Variants in PPARA observed in about 807,000 individuals in gnomAD.
The protein encoded by PPARA is peroxisome proliferator-activated receptor alpha.
In PPARA, 22 loss-of-function variants were observed where a neutral mutation model predicts 42.2. The ratio of observed to expected loss-of-function variants is 0.52; its 90% CI spans 0.37 to 0.74. The LOEUF (loss-of-function observed/expected upper bound fraction) is 0.74. Ranked by LOEUF, PPARA falls within the 30% of genes least tolerant of loss-of-function variation. PPARA has a pLI of 0.00. For missense variants in PPARA, 465 were observed against 608.2 expected, an observed-to-expected ratio of 0.76 and a Z score of 2.48; for synonymous variants, 242 against 239.3, an observed-to-expected ratio of 1.01 and a Z score of -0.10.
Position 46,241,330 on chromosome 22 carries a change from T to C in PPARA, c.*5950T>C, listed in dbSNP as rs1936364963. Reference sequence around the variant, plus strand: ...TTGGTCTGACTCAGAATATAGGAGATCCATATATTTCTCTGGAAACCACAG... The same window carrying C: ...TTGGTCTGACTCAGAATATAGGAGACCCATATATTTCTCTGGAAACCACAG... On this transcript the variant is annotated 3_prime_UTR_variant, in exon 9 of 9. Coordinates refer to ENST00000407236, the MANE Select transcript of PPARA (RefSeq NM_005036.6). The surrounding 1 kb of genome is among the most constrained non-coding windows in gnomAD (Gnocchi z 5.7). 6.6e-6 allele frequency: 1 copy of C among 152,324 alleles called. No individual in the cohort carries two copies. The highest frequency in any genetic ancestry group is 1.9e-4 in the East Asian group (1 of 5,190). 9.4% of individuals were successfully genotyped at this position (152,324 alleles called of 1,614,324 possible). A position where few individuals can be genotyped will look rare whatever the true frequency, so the allele number is the denominator to read the frequency against.
At chr22:46,218,775 A>C (rs549099199) in intron 6 of PPARA, among the ~76,000 whole-genome samples, 5 of 151,124 alleles carry the variant, frequency 3.3e-5, no homozygotes, top group African/African-American at 1.2e-4. Flanking sequence ...CGGAGGTTGC[A>C]GTGAGCTGAG....
chr22:46,225,830 C>A lies in PPARA; in HGVS notation c.711+5816C>A, dbSNP rs1421000081. Among the ~76,000 whole-genome samples, 5 of 151,614 alleles carry A rather than the reference C, an allele frequency of 3.3e-5. No individual in the cohort carries two copies. The highest frequency in any genetic ancestry group is 1.2e-4 in the African/African-American group (5 of 41,210). On this transcript the variant is annotated intron_variant, in intron 7 of 8. Transcript: ENST00000407236. This position sits in a 1 kb window ranked among gnomAD's most constrained non-coding sequence, Gnocchi z 4.1. The stretch of plus-strand genomic sequence containing the variant: ...GCACCCACACATGCACACAGACGCA[C>A]CTCCACCCCCACACACGCACACACA...
rs184831568 is a variant in PPARA at position 46,180,340 on chromosome 22, T to C, written c.-43+3504T>C. On this transcript the variant is annotated intron_variant, in intron 3 of 8. Transcript: ENST00000407236. This position sits in a 1 kb window ranked among gnomAD's most constrained non-coding sequence, Gnocchi z 4.2. ...GCAGTAATAATAATAGAAATAATGA[T>C]AGTTTCTTTAATAAAAATGCTGTTT... 3.3e-5 allele frequency among the ~76,000 whole-genome samples: 5 copies of C among 152,134 alleles called. No homozygotes were observed. Among genetic ancestry groups the C allele is most frequent in the Admixed American group, 1.3e-4 (2 of 15,268 alleles).
chr22:46,206,258 C>T lies in PPARA; in HGVS notation c.208+7667C>T, dbSNP rs1246660036. On this transcript the variant is annotated intron_variant, in intron 4 of 8. Coordinates refer to ENST00000407236, the MANE Select transcript of PPARA (RefSeq NM_005036.6). Reference sequence around the variant, plus strand: ...CTAGGATCAGAGGCATGCACCACCACGCCCGGCTAATTTGTGTGTGTGTGT... The same window carrying T: ...CTAGGATCAGAGGCATGCACCACCATGCCCGGCTAATTTGTGTGTGTGTGT... Among the ~76,000 whole-genome samples the T allele has an allele frequency of 1.1e-4, 16 of 145,142 alleles. 1 individual carries two copies. The highest frequency in any genetic ancestry group is 4.7e-4 in the Admixed American group (7 of 14,844).
At chr22:46,185,960 T>TACAC (rs1379937794) in intron 3 of PPARA, among the ~76,000 whole-genome samples, 31 of 42,922 alleles carry the variant, frequency 7.2e-4, no homozygotes, top group Non-Finnish European at 8.9e-4. Context: ...TATATATATA[T>TACAC]ATATACACAC....
Position 46,171,023 on chromosome 22 carries a change from C to T in PPARA, c.-126-5730C>T, listed in dbSNP as rs1366098986. ...TAAAAATACAAAAATTAGCCAGGCA[C>T]AATGGCAGGTACCTGTAATCCCAGC... On this transcript the variant is annotated intron_variant, in intron 2 of 8. Transcript: ENST00000407236. The surrounding 1 kb of genome is among the most constrained non-coding windows in gnomAD (Gnocchi z 5.0). Among the ~76,000 whole-genome samples, 2 of 151,898 alleles carry T rather than the reference C, an allele frequency of 1.3e-5. No individual in the cohort carries two copies. Among genetic ancestry groups the T allele is most frequent in the African/African-American group, 2.4e-5 (1 of 41,346 alleles).
chr22:46,174,743 G>A (rs989611086), intron 2 of PPARA, among the ~76,000 whole-genome samples: 4 of 152,106 alleles, frequency 2.6e-5, no homozygotes. Context: ...CTTGAGCCTG[G>A]GAGTTCGAGG....
intron 2 of PPARA, among the ~76,000 whole-genome samples, chr22:46,168,196 C>T (rs537080941): frequency 6.6e-6 from 1 of 150,698 alleles, no homozygotes; most frequent in Admixed American, 6.6e-5. Flanking sequence ...ACTAAAAATA[C>T]AAAAAATTAG....
At chr22:46,194,047 G>T (rs749317077) in intron 3 of PPARA, among the ~76,000 whole-genome samples, 5 of 152,140 alleles carry the variant, frequency 3.3e-5, no homozygotes, top group South Asian at 4.1e-4. Flanking sequence ...CCAGTGATGT[G>T]GGGGGAGCCC....
At chr22:46,205,051 A>G (rs1399866522) in intron 4 of PPARA, among the ~76,000 whole-genome samples, 2 of 150,080 alleles carry the variant, frequency 1.3e-5, no homozygotes, top group African/African-American at 4.9e-5. Context: ...TTTTTTAGAT[A>G]CAGAGACTCG....
chr22:46,198,922 G>A (rs561469762), intron 4 of PPARA, among the ~76,000 whole-genome samples: 69 of 152,264 alleles, frequency 4.5e-4, no homozygotes, highest in African/African-American at 1.5e-3. Context: ...GCCTCCTAAA[G>A]TGCTGGGATT....
Position 46,234,220 on chromosome 22 carries a change from T to C in PPARA, c.1160-913T>C, listed in dbSNP as rs1289198142. 6.6e-6 allele frequency among the ~76,000 whole-genome samples: 1 copy of C among 152,200 alleles called. No individual in the cohort carries two copies. The highest frequency in any genetic ancestry group is 2.4e-5 in the African/African-American group (1 of 41,448). Reference sequence around the variant, plus strand: ...TGAGCCTAGGAGTTCCAGTCCAGCCTAAGCAACAGAGCAAGACCCCATCAC... The same window carrying C: ...TGAGCCTAGGAGTTCCAGTCCAGCCCAAGCAACAGAGCAAGACCCCATCAC... On this transcript the variant is annotated intron_variant, in intron 8 of 8. Coordinates refer to ENST00000407236, the MANE Select transcript of PPARA (RefSeq NM_005036.6). The surrounding 1 kb of genome is among the most constrained non-coding windows in gnomAD (Gnocchi z 5.8).
intron 5 of PPARA, 132 bp downstream of exon 5, chr22:46,215,465 C>T (rs1347066153): frequency 4.2e-6 from 5 of 1,200,054 alleles, no homozygotes; most frequent in East Asian, 2.5e-5. Flanking sequence ...AGGCCAGGCG[C>T]GGTATCTCAT....
intron 7 of PPARA, among the ~76,000 whole-genome samples, chr22:46,228,765 AT>A (rs139575129): frequency 0.012 from 1,837 of 152,266 alleles, 44 homozygotes; most frequent in African/African-American, 0.042. Context: ...GCCCAACTTC[AT>A]TCAACTCAGT....
Position 46,234,881 on chromosome 22 carries a change from G to A in PPARA, c.1160-252G>A, listed in dbSNP as rs1936115679. 6.6e-6 allele frequency among the ~76,000 whole-genome samples: 1 copy of A among 152,202 alleles called. No individual in the cohort carries two copies. The highest frequency in any genetic ancestry group is 1.5e-5 in the Non-Finnish European group (1 of 68,040). ...AAGTGAAAAGGCCGCACCATAAGGT[G>A]TACTTAGGGCACTATTGCCGCCTAG... On this transcript the variant is annotated intron_variant, in intron 8 of 8. Transcript: ENST00000407236. This position sits in a 1 kb window ranked among gnomAD's most constrained non-coding sequence, Gnocchi z 5.8.
At position 46,222,172 on chromosome 22, in the gene PPARA, C is replaced by T. The variant is rs1490805361; in HGVS notation, c.711+2158C>T. Among the ~76,000 whole-genome samples the T allele has an allele frequency of 6.6e-6, 1 of 152,100 alleles. No homozygotes were observed. Among genetic ancestry groups the T allele is most frequent in the African/African-American group, 2.4e-5 (1 of 41,394 alleles). ...CTTTTCAGAGGCAGCCAAATTGCCC[C>T]TCATGGTTCGTCCCCCACATCCCCG... On this transcript the variant is annotated intron_variant, in intron 7 of 8. Transcript: ENST00000407236. The surrounding 1 kb of genome is among the most constrained non-coding windows in gnomAD (Gnocchi z 5.9).
intron 2 of PPARA, among the ~76,000 whole-genome samples, chr22:46,157,369 C>G (rs935934510): frequency 2.6e-5 from 4 of 152,082 alleles, no homozygotes; most frequent in Admixed American, 6.6e-5. Flanking sequence ...GATGATGGCC[C>G]GCTCCATCCC....
intron 5 of PPARA, among the ~76,000 whole-genome samples, chr22:46,217,009 A>G (rs1023736997): frequency 2.6e-5 from 4 of 152,168 alleles, no homozygotes; most frequent in Non-Finnish European, 4.4e-5. Context: ...ACAATGTACC[A>G]TCTTGGAACA....
rs1163677578 is a variant in PPARA at position 46,218,282 on chromosome 22, T to C, written c.389T>C (p.Ile130Thr). The part of the protein sequence containing the change: ...EGCKGFFRRT[I>T]RLKLVYDKCD... The stretch of plus-strand genomic sequence containing the variant: ...TCACAGGGCTTCTTTCGGCGAACGA[T>C]TCGACTCAAGCTGGTGTATGACAAG... Residue 130 changes from isoleucine (I) to threonine (T), a missense_variant, in exon 6 of 9, where the codon ATT becomes ACT. Ile to Thr is a moderately conservative substitution (Grantham distance 89). This residue lies in a region of PPARA where 313 missense variants were observed against 469.1 expected (regional missense o/e 0.67). Transcript: ENST00000407236. 6.2e-7 allele frequency: 1 copy of C among 1,613,986 alleles called. No individual in the cohort carries two copies. Among genetic ancestry groups the C allele is most frequent in the African/African-American group, 1.3e-5 (1 of 74,906 alleles).
Sources: gnomAD v4.1 joint callset for allele counts (sites outside exome capture counted in the v4.1 genomes callset) on GRCh38, gnomAD v4.1.1 for gene constraint, gnomAD v4.1.1 regional missense constraint, Gnocchi (gnomAD v3.1) non-coding constraint, MANE v1.5 for transcripts, NCBI Gene and HGNC (gene_info 2026-07-23, HGNC 2026-07-21) for gene names.